PSTPIP2: variants seen among roughly 807,000 people sequenced by gnomAD.
The protein encoded by PSTPIP2 is proline-serine-threonine phosphatase-interacting protein 2.
In PSTPIP2, 33 loss-of-function variants were observed where a neutral mutation model predicts 63.3. The ratio of observed to expected loss-of-function variants is 0.52; its 90% CI spans 0.40 to 0.70. The LOEUF is 0.70. PSTPIP2 is among the 30% of genes least tolerant of loss of function. The pLI, the probability that PSTPIP2 is intolerant of heterozygous loss-of-function variation, is 0.00. For synonymous variants in PSTPIP2, 125 were observed against 132.7 expected (o/e 0.94, Z 0.40); for missense variants, 312 against 400.7 (o/e 0.78, Z 1.89).
At chr18:46,049,941 C>A (rs117393208) in intron 1 of PSTPIP2, among the ~76,000 whole-genome samples, 2,243 of 151,970 alleles carry the variant, frequency 0.015, 26 homozygotes, top group Non-Finnish European at 0.024. Flanking sequence ...TATAAACAGG[C>A]AACACTCTAA....
chr18:46,069,993 T>C (rs1455645780), intron 1 of PSTPIP2, among the ~76,000 whole-genome samples: 1 of 152,244 alleles, frequency 6.6e-6, no homozygotes, highest in African/African-American at 2.4e-5. Context: ...TGTCAGGCAC[T>C]GTACTAAACT....
At chr18:46,041,025 A>T (rs1474097741) in intron 1 of PSTPIP2, 4 of 458,854 alleles carry the variant, frequency 8.7e-6, no homozygotes, top group African/African-American at 8.0e-5. Context: ...TCTGTCCTTA[A>T]ACTTGCCACT....
intron 5 of PSTPIP2, among the ~76,000 whole-genome samples, chr18:46,009,457 A>C (rs2051771892): frequency 6.6e-6 from 1 of 151,848 alleles, no homozygotes; most frequent in Admixed American, 6.6e-5. Flanking sequence ...CAATTTTATT[A>C]ATAAAATGTG....
At chr18:46,006,359 A>ATT (rs2051725360) in intron 5 of PSTPIP2, among the ~76,000 whole-genome samples, 3 of 38,104 alleles carry the variant, frequency 7.9e-5, no homozygotes, top group Admixed American at 4.5e-4. Flanking sequence ...CAGCCCTGGT[A>ATT]CTTTTTTTTT....
At chr18:46,058,449 C>T (rs1365278359) in intron 1 of PSTPIP2, among the ~76,000 whole-genome samples, 1 of 152,016 alleles carries the variant, frequency 6.6e-6, no homozygotes, top group African/African-American at 2.4e-5. Context: ...CTCCTCCTCC[C>T]GGGTTCAAGC....
At chr18:46,062,207 C>A (rs984859296) in intron 1 of PSTPIP2, among the ~76,000 whole-genome samples, 2 of 152,164 alleles carry the variant, frequency 1.3e-5, no homozygotes, top group African/African-American at 2.4e-5. Context: ...AGCCTTCCAG[C>A]CTTGTGCCAC....
chr18:46,030,122 GA>G (rs1907736906), intron 2 of PSTPIP2, among the ~76,000 whole-genome samples: 1 of 151,288 alleles, frequency 6.6e-6, no homozygotes, highest in South Asian at 2.1e-4. Context: ...CTCAAAAAAA[GA>G]AAAGAAAGAA....
At chr18:46,044,638 A>G (rs944237138) in intron 1 of PSTPIP2, among the ~76,000 whole-genome samples, 2 of 152,100 alleles carry the variant, frequency 1.3e-5, no homozygotes, top group Non-Finnish European at 2.9e-5. Context: ...CAATGGCAAC[A>G]AAAGCCAAAA....
rs1046335373 is a variant in PSTPIP2, at chr18:46,027,165, C to T, written c.135-2479G>A. Among the ~76,000 whole-genome samples the T allele has an allele frequency of 1.1e-4, 17 of 151,940 alleles. No homozygotes were observed. The East Asian group carries it at 3.3e-3, about 29-fold the overall frequency. ...AAAAAATTAGCCAGGCATGGTGGCG[C>T]ATGCCTGCAATCCCAGCTACTTGGG... On this transcript the variant is annotated intron_variant, in intron 2 of 14. Transcript: ENST00000409746.
intron 2 of PSTPIP2, among the ~76,000 whole-genome samples, chr18:46,038,772 G>C (rs1401372409): frequency 6.6e-6 from 1 of 152,210 alleles, no homozygotes; most frequent in Non-Finnish European, 1.5e-5. Flanking sequence ...AGGTCCTCCA[G>C]ACCTTTGGAA....
intron 3 of PSTPIP2, among the ~76,000 whole-genome samples, chr18:46,018,308 A>G (rs1465792290): frequency 6.6e-6 from 1 of 152,190 alleles, no homozygotes; most frequent in Non-Finnish European, 1.5e-5. Context: ...CCAAATCTGC[A>G]AGAGAACTGG....
At chr18:46,024,433 T>C (rs147524282) in intron 3 of PSTPIP2, among the ~76,000 whole-genome samples, 176 bp downstream of exon 3, 1 of 152,248 alleles carries the variant, frequency 6.6e-6, no homozygotes, top group East Asian at 1.9e-4. Context: ...CCACTGCGCC[T>C]GACTGAGGAT....
At chr18:46,071,303 CA>C (rs1568236945) in intron 1 of PSTPIP2, among the ~76,000 whole-genome samples, 1 of 152,162 alleles carries the variant, frequency 6.6e-6, no homozygotes, top group Non-Finnish European at 1.5e-5. Flanking sequence ...TTGAGGTTTG[CA>C]GCCTCCTGCT....
chr18:46,024,765 A>G, intron 2 of PSTPIP2, 79 bp from the exon 3 acceptor site: 1 of 1,095,548 alleles, frequency 9.1e-7, no homozygotes, highest in Non-Finnish European at 1.4e-6. Flanking sequence ...TCCCTTGGAA[A>G]GCAAAACTGC....
At chr18:46,029,626 G>A in intron 2 of PSTPIP2, 1 of 756,866 alleles carries the variant, frequency 1.3e-6, no homozygotes, top group Non-Finnish European at 2.4e-6. Context: ...GGTTACAGGT[G>A]TTAATTCTCT....
At chr18:46,045,962 AC>A (rs990293226) in intron 1 of PSTPIP2, among the ~76,000 whole-genome samples, 1 of 152,170 alleles carries the variant, frequency 6.6e-6, no homozygotes, top group Non-Finnish European at 1.5e-5. Flanking sequence ...CAAAAAACCA[AC>A]TTCTTTTGAA....
intron 1 of PSTPIP2, among the ~76,000 whole-genome samples, chr18:46,046,108 G>C (rs1288839088): frequency 6.6e-6 from 1 of 152,184 alleles, no homozygotes; most frequent in Non-Finnish European, 1.5e-5. Context: ...CTATTCAATG[G>C]GAAAATGGTA....
At chr18:46,057,216 C>T (rs1470143264) in intron 1 of PSTPIP2, among the ~76,000 whole-genome samples, 1 of 152,212 alleles carries the variant, frequency 6.6e-6, no homozygotes, top group African/African-American at 2.4e-5. Flanking sequence ...AGAGACCCCT[C>T]CCTCCCTCCA....
At chr18:46,051,476 G>GA (rs1018395377) in intron 1 of PSTPIP2, among the ~76,000 whole-genome samples, 191 of 144,898 alleles carry the variant, frequency 1.3e-3, no homozygotes, top group African/African-American at 3.3e-3. Context: ...TCTGTCTCAA[G>GA]AAAAAAAAAA....
Sources: gnomAD v4.1 joint callset for allele counts (sites outside exome capture counted in the v4.1 genomes callset) on GRCh38, gnomAD v4.1.1 for gene constraint, MANE v1.5 for transcripts, NCBI Gene and HGNC (gene_info 2026-07-23, HGNC 2026-07-21) for gene names.